Variants in RCN1 observed in about 807,000 individuals in gnomAD.
The protein encoded by RCN1 is reticulocalbin-1.
In RCN1, 14 loss-of-function variants were observed where a neutral mutation model predicts 34.7. That is an observed-to-expected ratio of 0.40 (90% confidence interval 0.27 to 0.63). The LOEUF (loss-of-function observed/expected upper bound fraction) is 0.63, where lower values mean the gene tolerates loss of function less well. RCN1 is among the 30% of genes least tolerant of loss of function. RCN1 has a pLI of 0.37. For missense variants in RCN1, 326 were observed against 425.1 expected (o/e 0.77, Z 2.05); for synonymous variants, 125 against 165.5 (o/e 0.76, Z 1.88).
intron 4 of RCN1, 152 bp downstream of exon 4, chr11:32,100,760 G>A: frequency 4.9e-6 from 3 of 609,648 alleles, no homozygotes. Flanking sequence ...TGTCCCATCA[G>A]CCCTAGTGAT....
chr11:32,103,082 C>T (rs904528512), intron 4 of RCN1, 199 bp from the exon 5 acceptor site: 7 of 668,000 alleles, frequency 1.0e-5, no homozygotes, highest in Admixed American at 4.4e-5. Context: ...TCAGTTCTTT[C>T]TACTCCACCA....
intron 3 of RCN1, 118 bp from the exon 4 acceptor site, chr11:32,100,430 T>C: frequency 1.3e-6 from 1 of 788,992 alleles, no homozygotes; most frequent in Non-Finnish European, 2.2e-6. Context: ...AGTAAGGCGA[T>C]GAGCCAGAAG....
At chr11:32,095,557 G>A (rs1036789143) in intron 1 of RCN1, among the ~76,000 whole-genome samples, 3 of 152,080 alleles carry the variant, frequency 2.0e-5, no homozygotes, top group East Asian at 1.9e-4. Flanking sequence ...ACAGGCACCC[G>A]CCACCACACC....
intron 3 of RCN1, 76 bp downstream of exon 3, chr11:32,098,604 G>A (rs759742197): frequency 2.3e-5 from 28 of 1,222,194 alleles, no homozygotes; most frequent in Non-Finnish European, 3.1e-5. Context: ...CTTCCAAAGA[G>A]AGAAGATTTT....
chr11:32,098,360 A>C lies in RCN1; in HGVS notation c.459A>C (p.Ala153=), dbSNP rs1851996489. The C allele has an allele frequency of 6.2e-7, 1 of 1,610,676 alleles. No homozygotes were observed. Among genetic ancestry groups the C allele is most frequent in the East Asian group, 2.2e-5 (1 of 44,856 alleles). ...ACATACATCCTGCAGGAAACCCCGC[A>C]GAGTTTCATGATTCTTCAGATCATC... ...ATYGYYLGNP[A]EFHDSSDHHT... Residue 153 remains alanine (A), a synonymous_variant, in exon 3 of 6, where the codon GCA becomes GCC. Transcript: ENST00000054950.
intron 1 of RCN1, 143 bp downstream of exon 1, chr11:32,091,593 C>T (rs973228773): frequency 5.3e-4 from 580 of 1,102,342 alleles, no homozygotes; most frequent in Admixed American, 8.6e-4. Flanking sequence ...CAACTCGGCG[C>T]TGGGGCTCAG....
At chr11:32,093,894 G>T (rs912751922) in intron 1 of RCN1, among the ~76,000 whole-genome samples, 1 of 152,136 alleles carries the variant, frequency 6.6e-6, no homozygotes, top group South Asian at 2.1e-4. Flanking sequence ...TGGTCTCTCC[G>T]GATTCCAGGA....
chr11:32,098,249 C>A, intron 2 of RCN1, 101 bp from the exon 3 acceptor site: 17 of 1,055,986 alleles, frequency 1.6e-5, no homozygotes, highest in Non-Finnish European at 2.3e-5. Context: ...ACCTTTTTTC[C>A]CTATATGTAC....
rs1297733804 is a variant in RCN1, at chr11:32,105,172, A to G, written c.*700A>G. ...GGAAAAGATGAATGTCAGACATTTGAAGAACTATAGTAAAATGATAAACAC... is the reference window on the plus strand; with the variant it reads ...GGAAAAGATGAATGTCAGACATTTGGAGAACTATAGTAAAATGATAAACAC... On this transcript the variant is annotated 3_prime_UTR_variant, in exon 6 of 6. Coordinates refer to ENST00000054950, the MANE Select transcript of RCN1 (RefSeq NM_002901.4). The G allele has an allele frequency of 6.0e-6, 1 of 167,146 alleles. No homozygotes were observed. Among genetic ancestry groups the G allele is most frequent in the African/African-American group, 2.4e-5 (1 of 41,468 alleles). 10.4% of individuals were successfully genotyped at this position (167,146 alleles called of 1,614,324 possible). A position where few individuals can be genotyped will look rare whatever the true frequency, so the allele number is the denominator to read the frequency against.
Position 32,093,790 on chromosome 11 carries a change from A to G in RCN1, c.254+2340A>G, listed in dbSNP as rs1002010288. Among the ~76,000 whole-genome samples, 5 of 152,278 alleles carry G rather than the reference A, an allele frequency of 3.3e-5. No individual in the cohort carries two copies. In the South Asian group the frequency reaches 6.2e-4, roughly 19 times the overall value. On this transcript the variant is annotated intron_variant, in intron 1 of 5. Coordinates refer to ENST00000054950, the MANE Select transcript of RCN1 (RefSeq NM_002901.4). Reference sequence around the variant, plus strand: ...GTCATAATCCCCAAAACTCATTGGGAAAGTCAGGCTGGCAGGAGGGCAGTA... The same window carrying G: ...GTCATAATCCCCAAAACTCATTGGGGAAGTCAGGCTGGCAGGAGGGCAGTA...
At chr11:32,100,680 C>G (rs1166161115) in intron 4 of RCN1, 72 bp downstream of exon 4, 8 of 1,235,378 alleles carry the variant, frequency 6.5e-6, no homozygotes, top group Non-Finnish European at 9.5e-6. Context: ...CGTCTGGCTA[C>G]TTTCCCCAGA....
chr11:32,104,343 T>A (rs772221081), intron 5 of RCN1, 22 bp from the exon 6 acceptor site: 1 of 1,399,650 alleles, frequency 7.1e-7, no homozygotes, highest in Non-Finnish European at 1.0e-6. Context: ...TCCATGACAG[T>A]GCTCTTTGAT....
intron 4 of RCN1, chr11:32,102,985 TATC>T (rs1421204641): frequency 1.9e-6 from 1 of 519,070 alleles, no homozygotes; most frequent in East Asian, 5.0e-5. Context: ...ATTTATAAAT[TATC>T]ATCTCCATTT....
chr11:32,091,081 T>A lies in RCN1; in HGVS notation c.-116T>A. The A allele has an allele frequency of 1.1e-4, 124 of 1,158,952 alleles. No individual in the cohort carries two copies. The highest frequency in any genetic ancestry group is 3.7e-4 in the East Asian group (11 of 29,582). 71.8% of individuals were successfully genotyped at this position (1,158,952 alleles called of 1,614,324 possible). ...CTGGCGGAGGGACTGGCCAGTCCCC[T>A]CCTCCGCGCCGGCCCCAACCCTGTC... On this transcript the variant is annotated 5_prime_UTR_variant, in exon 1 of 6. Transcript: ENST00000054950.
chr11:32,102,090 C>G (rs954779332), intron 4 of RCN1: 1 of 151,850 alleles, frequency 6.6e-6, no homozygotes, highest in African/African-American at 2.4e-5. Context: ...TGTATTGACT[C>G]GTCATTTCAC....
At chr11:32,098,326 T>C (rs753261922) in intron 2 of RCN1, 24 bp from the exon 3 acceptor site, 2 of 1,593,082 alleles carry the variant, frequency 1.3e-6, no homozygotes, top group Non-Finnish European at 1.7e-6. Flanking sequence ...TTTAAAAACA[T>C]TTCTGCATAC....
At chr11:32,092,234 G>C (rs994474647) in intron 1 of RCN1, among the ~76,000 whole-genome samples, 5 of 152,312 alleles carry the variant, frequency 3.3e-5, no homozygotes, top group African/African-American at 9.6e-5. Context: ...TTGAACCCGG[G>C]AGGCGGAGGT....
chr11:32,093,966 G>C (rs887855472), intron 1 of RCN1, among the ~76,000 whole-genome samples: 1 of 152,178 alleles, frequency 6.6e-6, no homozygotes, highest in Non-Finnish European at 1.5e-5. Flanking sequence ...GACTCAATGA[G>C]GGGGAGAAGA....
chr11:32,102,855 GTATCTGGACCATAGTGT>G, intron 4 of RCN1: 1 of 373,060 alleles, frequency 2.7e-6, no homozygotes, highest in Non-Finnish European at 5.1e-6. Context: ...ACTTTATACA[GTATCTGGACCATAGTGT>G]TCAATGTTAG....
Sources: allele counts gnomAD v4.1 joint callset (sites outside exome capture counted in the v4.1 genomes callset), GRCh38; gene constraint gnomAD v4.1.1; transcripts MANE v1.5; gene names NCBI Gene and HGNC (gene_info 2026-07-23, HGNC 2026-07-21).